IL12B: variants seen among roughly 807,000 people sequenced by gnomAD.
The protein encoded by IL12B is interleukin 12B.
In IL12B, 27 loss-of-function variants were observed where a neutral mutation model predicts 39.2. The ratio of observed to expected loss-of-function variants is 0.69; its 90% CI spans 0.51 to 0.95. The LOEUF is 0.95. Ranked by LOEUF, IL12B falls within the 40% of genes least tolerant of loss-of-function variation. The probability of loss-of-function intolerance (pLI) is 0.00; values close to 1 mark genes in which losing one functional copy is unlikely to be tolerated. For synonymous variants in IL12B, 142 were observed against 152.1 expected (o/e 0.93, Z 0.49); for missense variants, 351 against 397.6 (o/e 0.88, Z 1.00).
rs1753995968 is a variant in IL12B, at chr5:159,316,726, T to C, written c.946A>G (p.Ser316Gly). 1 of 1,614,040 alleles carries C rather than the reference T, an allele frequency of 6.2e-7. No individual in the cohort carries two copies. The highest frequency in any genetic ancestry group is 2.2e-5 in the East Asian group (1 of 44,876). ...GATGCCCATTCGCTCCAAGATGAGC[T>C]ATAGTAGCGGTCCTGGGCCCGCACG... ...ISVRAQDRYY[S>G]SSWSEWASVP... is the part of the protein sequence containing the mutation. Residue 316 changes from serine to glycine, a missense_variant, in exon 7 of 8, where the codon AGC becomes GGC. Physicochemically the swap from Ser to Gly is moderately conservative, Grantham distance 56. Transcript: ENST00000231228.
chr5:159,325,294 C>T (rs1754166723), intron 2 of IL12B, among the ~76,000 whole-genome samples: 1 of 152,176 alleles, frequency 6.6e-6, no homozygotes, highest in African/African-American at 2.4e-5. Flanking sequence ...AGGGATCTGC[C>T]ATATACCCCT....
Position 159,315,749 on chromosome 5 carries a change from T to A in IL12B, c.*352A>T, listed in dbSNP as rs1256301448. ...AATTCACATTTTGCATAATAGGGAC[T>A]GATCCTGATGGATCAGGTCATAAGA... On this transcript the variant is annotated 3_prime_UTR_variant, in exon 8 of 8. Coordinates refer to ENST00000231228, the MANE Select transcript of IL12B (RefSeq NM_002187.3). 1 of 152,800 alleles carries A rather than the reference T, an allele frequency of 6.5e-6. No individual in the cohort carries two copies. The highest frequency in any genetic ancestry group is 1.5e-5 in the Non-Finnish European group (1 of 68,044). 9.5% of individuals were successfully genotyped at this position (152,800 alleles called of 1,614,324 possible).
At chr5:159,316,643 C>T in intron 7 of IL12B, 42 bp downstream of exon 7, 1 of 1,593,074 alleles carries the variant, frequency 6.3e-7, no homozygotes. Flanking sequence ...TCCAGGTGCA[C>T]TGAGAGTGCA....
intron 2 of IL12B, among the ~76,000 whole-genome samples, chr5:159,323,761 C>G (rs3213094): frequency 6.6e-6 from 1 of 151,824 alleles, no homozygotes; most frequent in Non-Finnish European, 1.5e-5. Context: ...TCGAGAACAA[C>G]GAACCAAGAC....
intron 5 of IL12B, among the ~76,000 whole-genome samples, chr5:159,319,427 C>T (rs553544860): frequency 9.5e-4 from 144 of 152,282 alleles, no homozygotes; most frequent in African/African-American, 3.3e-3. Flanking sequence ...GAATACTGAG[C>T]GCCCATTATG....
At chr5:159,327,698 C>A (rs1342877408) in intron 1 of IL12B, among the ~76,000 whole-genome samples, 3 of 152,168 alleles carry the variant, frequency 2.0e-5, no homozygotes, top group Non-Finnish European at 4.4e-5. Flanking sequence ...ACCTTGAGAA[C>A]CACTGGTTTA....
chr5:159,318,595 A>G (rs1754029151), intron 6 of IL12B, 141 bp downstream of exon 6: 2 of 840,530 alleles, frequency 2.4e-6, no homozygotes, highest in Middle Eastern at 3.2e-4. Flanking sequence ...ATAGCTGCCT[A>G]AAGATGAATT....
Position 159,326,802 on chromosome 5 carries a change from C to T in IL12B, c.1-20G>A. 2 of 1,447,058 alleles carry T rather than the reference C, an allele frequency of 1.4e-6. No homozygotes were observed. Among genetic ancestry groups the T allele is most frequent in the Admixed American group, 3.3e-5 (2 of 59,736 alleles). 89.6% of individuals were successfully genotyped at this position (1,447,058 alleles called of 1,614,324 possible). A position where few individuals can be genotyped will look rare whatever the true frequency, so the allele number is the denominator to read the frequency against. ...ACACATCTATAAGAAGGGAGAGAAG[C>T]AGGGGGAAGAGAAGGAGGAAAAGAG... On this transcript the variant is annotated intron_variant, in intron 1 of 7. Coordinates refer to ENST00000231228, the MANE Select transcript of IL12B (RefSeq NM_002187.3).
intron 6 of IL12B, among the ~76,000 whole-genome samples, chr5:159,317,206 A>G (rs1443169520): frequency 6.6e-6 from 1 of 152,192 alleles, no homozygotes; most frequent in East Asian, 1.9e-4. Flanking sequence ...ACTTGCCTTC[A>G]AATTCTGGCA....
At chr5:159,324,359 C>A (rs918491737) in intron 2 of IL12B, among the ~76,000 whole-genome samples, 1 of 152,168 alleles carries the variant, frequency 6.6e-6, no homozygotes, top group African/African-American at 2.4e-5. Context: ...AAGCTTCATT[C>A]ATTTTTTTAA....
intron 1 of IL12B, among the ~76,000 whole-genome samples, chr5:159,328,575 A>G (rs1422585365): frequency 6.6e-6 from 1 of 152,242 alleles, no homozygotes; most frequent in Non-Finnish European, 1.5e-5. Flanking sequence ...TGTGTTTTAT[A>G]TATCATGGAT....
intron 3 of IL12B, among the ~76,000 whole-genome samples, 166 bp downstream of exon 3, chr5:159,322,888 A>G (rs1185102762): frequency 6.6e-6 from 1 of 152,254 alleles, no homozygotes; most frequent in Non-Finnish European, 1.5e-5. Flanking sequence ...CAAAGGGTCC[A>G]GGAAAGCAAA....
chr5:159,318,045 A>G (rs935326084), intron 6 of IL12B: 2 of 153,196 alleles, frequency 1.3e-5, no homozygotes, highest in African/African-American at 2.4e-5. Flanking sequence ...GCTACCAACC[A>G]TCCTTTTCTT....
chr5:159,322,298 A>G, intron 4 of IL12B, 96 bp downstream of exon 4: 2 of 842,636 alleles, frequency 2.4e-6, no homozygotes, highest in Non-Finnish European at 4.1e-6. Flanking sequence ...TGCTTTTCCC[A>G]TTATCATTAA....
chr5:159,320,556 A>T, intron 4 of IL12B, 36 bp from the exon 5 acceptor site: 1 of 1,547,978 alleles, frequency 6.5e-7, no homozygotes, highest in Non-Finnish European at 8.9e-7. Flanking sequence ...TGTGTTACAC[A>T]TTGGGGAGAG....
At chr5:159,323,387 G>T in intron 2 of IL12B, 58 bp from the exon 3 acceptor site, 1 of 1,554,220 alleles carries the variant, frequency 6.4e-7, no homozygotes. Flanking sequence ...CTGGGACTGT[G>T]TTTTATTAAC....
chr5:159,325,477 C>T (rs1008691506), intron 2 of IL12B: 1 of 152,178 alleles, frequency 6.6e-6, no homozygotes, highest in Non-Finnish European at 1.5e-5. Flanking sequence ...AAGATTATTT[C>T]TGATCATCAG....
intron 1 of IL12B, among the ~76,000 whole-genome samples, chr5:159,327,783 C>T (rs1195763885): frequency 6.6e-6 from 1 of 152,110 alleles, no homozygotes; most frequent in East Asian, 1.9e-4. Context: ...TTGATATATC[C>T]ACCATGAAAT....
Position 159,320,225 on chromosome 5 carries a change from C to T in IL12B, c.697+81G>A, listed in dbSNP as rs1301534272. ...AGAGATGATGCTTGTCAACCACCTA[C>T]CCCACAGTGCATGGGGCATTGTGAA... On this transcript the variant is annotated intron_variant, in intron 5 of 7. Transcript: ENST00000231228. 7 of 1,187,398 alleles carry T rather than the reference C, an allele frequency of 5.9e-6. No homozygotes were observed. In the East Asian group the frequency reaches 7.0e-5, roughly 12 times the overall value. The allele number at this position is 1,187,398 out of a possible 1,614,324, so 73.6% of individuals were successfully genotyped here. A position where few individuals can be genotyped will look rare whatever the true frequency, so the allele number is the denominator to read the frequency against.
Sources: gnomAD v4.1 joint callset for allele counts (sites outside exome capture counted in the v4.1 genomes callset) on GRCh38, gnomAD v4.1.1 for gene constraint, MANE v1.5 for transcripts, NCBI Gene and HGNC (gene_info 2026-07-23, HGNC 2026-07-21) for gene names.